TRPM3: variants seen among roughly 807,000 people sequenced by gnomAD.
TRPM3 encodes transient receptor potential cation channel subfamily M member 3.
Under a neutral mutation model 181.2 loss-of-function variants are expected in TRPM3, and 77 were observed. The observed-to-expected ratio is 0.42, with a 90% CI of 0.35 to 0.51. The LOEUF is 0.51. Ranked by LOEUF, TRPM3 falls within the 20% of genes least tolerant of loss-of-function variation. TRPM3 has a pLI of 0.01. For synonymous variants in TRPM3, 745 were observed against 796.4 expected (o/e 0.94, Z 1.09); for missense variants, 1,759 against 2,196.7 (o/e 0.80, Z 3.98).
intron 1 of TRPM3, among the ~76,000 whole-genome samples, chr9:70,963,627 T>G (rs1368939750): frequency 6.6e-6 from 1 of 152,136 alleles, no homozygotes; most frequent in Non-Finnish European, 1.5e-5. Context: ...TGCTGTATTT[T>G]GACTAAAATG....
At chr9:71,265,974 T>C (rs2083368139) in intron 1 of TRPM3, among the ~76,000 whole-genome samples, 1 of 152,184 alleles carries the variant, frequency 6.6e-6, no homozygotes, top group Non-Finnish European at 1.5e-5. Flanking sequence ...TGCCACTGAG[T>C]GTCAACTAGT....
intron 1 of TRPM3, among the ~76,000 whole-genome samples, chr9:71,316,338 T>C (rs1184270232): frequency 6.6e-6 from 1 of 152,172 alleles, no homozygotes; most frequent in Non-Finnish European, 1.5e-5. Flanking sequence ...CTAACTGTTC[T>C]AGTATTTTAC....
At position 71,443,938 on chromosome 9, in the gene TRPM3, C is replaced by T. The variant is rs556295538; in HGVS notation, c.183+2715G>A. ...GCTCATACCTGTAATCCCAGCACTT[C>T]GGGAGGCCAAGGCGGGCAGATCACG... On this transcript the variant is annotated intron_variant, in intron 1 of 24. Transcript: ENST00000357533. Among the ~76,000 whole-genome samples the T allele has an allele frequency of 2.2e-4, 33 of 152,016 alleles. 1 individual carries two copies. Among genetic ancestry groups the T allele is most frequent in the Middle Eastern group, 3.4e-3 (1 of 294 alleles).
chr9:71,444,110 C>A (rs186101571), intron 1 of TRPM3, among the ~76,000 whole-genome samples: 1 of 139,778 alleles, frequency 7.2e-6, no homozygotes, highest in African/African-American at 2.7e-5. Context: ...ACCAGGGAGG[C>A]GGAAGTTGCA....
chr9:70,871,363 G>C (rs755669081), intron 1 of TRPM3, among the ~76,000 whole-genome samples: 2 of 151,624 alleles, frequency 1.3e-5, no homozygotes, highest in Admixed American at 6.6e-5. Flanking sequence ...ACATGTATAC[G>C]GAGTCTTTAA....
At chr9:71,386,063 A>T (rs757427980) in intron 1 of TRPM3, among the ~76,000 whole-genome samples, 39 of 152,074 alleles carry the variant, frequency 2.6e-4, no homozygotes, top group Non-Finnish European at 5.3e-4. Context: ...TTGGACGTGG[A>T]AGTGGCAATG....
intron 1 of TRPM3, among the ~76,000 whole-genome samples, chr9:71,178,802 T>C (rs1272234839): frequency 6.6e-6 from 1 of 152,120 alleles, no homozygotes; most frequent in Non-Finnish European, 1.5e-5. Flanking sequence ...CCTTATCTAT[T>C]TCAAAGTCAT....
At chr9:70,946,793 T>A (rs1042856735) in intron 1 of TRPM3, among the ~76,000 whole-genome samples, 1 of 151,996 alleles carries the variant, frequency 6.6e-6, no homozygotes, top group African/African-American at 2.4e-5. Context: ...CACAGAATAG[T>A]CTTGCCTGTT....
intron 8 of TRPM3, among the ~76,000 whole-genome samples, chr9:70,685,998 T>C (rs2066650731): frequency 6.6e-6 from 1 of 151,274 alleles, no homozygotes; most frequent in Non-Finnish European, 1.5e-5. Context: ...CCTAATCATA[T>C]ACATATATAT....
chr9:71,212,756 C>A (rs114059292), intron 1 of TRPM3, among the ~76,000 whole-genome samples: 2,213 of 152,214 alleles, frequency 0.015, 63 homozygotes, highest in African/African-American at 0.051. Flanking sequence ...AGAAAAAGGG[C>A]TGAAAGTAAA....
chr9:70,650,300 C>A lies in TRPM3; in HGVS notation c.1346-9640G>T, dbSNP rs192401211. 3.9e-5 allele frequency among the ~76,000 whole-genome samples: 6 copies of A among 152,230 alleles called. No individual in the cohort carries two copies. The East Asian group carries it at 1.2e-3, about 29-fold the overall frequency. ...ATGTAACAAACCTGGACATGTACCCCCAAACCTAAAATAAAAGTTAAAAGA... is the reference window on the plus strand; with the variant it reads ...ATGTAACAAACCTGGACATGTACCCACAAACCTAAAATAAAAGTTAAAAGA... On this transcript the variant is annotated intron_variant, in intron 9 of 25. Coordinates refer to ENST00000677713, the MANE Select transcript of TRPM3 (RefSeq NM_001366145.2).
chr9:71,269,915 A>C (rs1195699566), intron 1 of TRPM3, among the ~76,000 whole-genome samples: 2 of 152,198 alleles, frequency 1.3e-5, no homozygotes, highest in African/African-American at 4.8e-5. Context: ...AGTAGAATAA[A>C]TATTTGTATG....
rs73450150 is a variant in TRPM3 at position 70,545,205 on chromosome 9, G to A, written c.3707+4337C>T. On this transcript the variant is annotated intron_variant, in intron 25 of 25. Transcript: ENST00000677713. ...ATGCACATTATACTGTGTTCTTTCC[G>A]TTATACCATGGAGAGAACTCCTTGT... Among the ~76,000 whole-genome samples, 1,063 of 152,202 alleles carry A rather than the reference G, an allele frequency of 7.0e-3. 10 individuals carry two copies. Among genetic ancestry groups the A allele is most frequent in the African/African-American group, 0.024 (985 of 41,532 alleles).
chr9:70,620,009 C>G, intron 16 of TRPM3, 67 bp downstream of exon 16: 4 of 1,515,516 alleles, frequency 2.6e-6, no homozygotes, highest in Non-Finnish European at 2.7e-6. Context: ...AGCTCAGACT[C>G]TCCAGCACTG....
At chr9:70,697,348 A>G (rs2070867668) in intron 8 of TRPM3, among the ~76,000 whole-genome samples, 1 of 152,216 alleles carries the variant, frequency 6.6e-6, no homozygotes, top group African/African-American at 2.4e-5. Flanking sequence ...GATGGAATTC[A>G]ATCAAAGAAA....
chr9:70,593,615 C>G (rs1452730643), intron 21 of TRPM3, among the ~76,000 whole-genome samples: 1 of 152,070 alleles, frequency 6.6e-6, no homozygotes, highest in African/African-American at 2.4e-5. Context: ...AGAGAAGAAA[C>G]ATTTTTCCCA....
chr9:71,401,386 T>C (rs1487358058), intron 1 of TRPM3, among the ~76,000 whole-genome samples: 3 of 152,070 alleles, frequency 2.0e-5, no homozygotes, highest in East Asian at 1.9e-4. Flanking sequence ...CCAGTGTTCA[T>C]CTGAGCAGAC....
intron 1 of TRPM3, among the ~76,000 whole-genome samples, chr9:70,901,395 A>C (rs2133024020): frequency 6.6e-6 from 1 of 152,372 alleles, no homozygotes; most frequent in Middle Eastern, 3.4e-3. Flanking sequence ...GGCATATTTA[A>C]ATCCAGTGGC....
At position 71,031,364 on chromosome 9, in the gene TRPM3, C is replaced by T. The variant is rs75397866; in HGVS notation, c.177+89814G>A. Among the ~76,000 whole-genome samples, 753 of 152,208 alleles carry T rather than the reference C, an allele frequency of 4.9e-3. 19 individuals carry two copies. In the East Asian group the frequency reaches 0.078, roughly 16 times the overall value. ...GTTAGCCTCATTTGAGTTTGAATAT[C>T]GGTTCTACCTCATAATTCTCACTAA... On this transcript the variant is annotated intron_variant, in intron 1 of 25. Transcript: ENST00000677713.
Sources: allele counts gnomAD v4.1 joint callset (sites outside exome capture counted in the v4.1 genomes callset), GRCh38; gene constraint gnomAD v4.1.1; transcripts MANE v1.5; gene names NCBI Gene and HGNC (gene_info 2026-07-23, HGNC 2026-07-21).